The following LINGO2 variants were observed in gnomAD, a reference collection of about 807,000 sequenced individuals.
LINGO2 encodes leucine rich repeat and Ig domain containing 2, also known as leucine-rich repeat and immunoglobulin-like domain-containing nogo receptor-interacting protein 2.
A neutral mutation model predicts 30.6 loss-of-function variants in LINGO2; 14 were observed. That is an observed-to-expected ratio of 0.46 (90% confidence interval 0.30 to 0.72). The LOEUF is 0.72. Among genes scored for constraint, LINGO2 ranks in the 30% least tolerant of loss-of-function variants. The probability of loss-of-function intolerance (pLI) is 0.07; values close to 1 mark genes in which losing one functional copy is unlikely to be tolerated. For synonymous variants in LINGO2, 317 were observed against 288.5 expected, an observed-to-expected ratio of 1.10 and a Z score of -1.00; for missense variants, 729 against 751.7, an observed-to-expected ratio of 0.97 and a Z score of 0.35.
At chr9:28,145,189 G>C (rs891234565) in intron 4 of LINGO2, among the ~76,000 whole-genome samples, 1 of 152,152 alleles carries the variant, frequency 6.6e-6, no homozygotes, top group Non-Finnish European at 1.5e-5. Flanking sequence ...GGGTTCAAAA[G>C]GTAGGGACAT....
At chr9:28,443,935 C>T (rs1048004416) in intron 2 of LINGO2, among the ~76,000 whole-genome samples, 1 of 152,072 alleles carries the variant, frequency 6.6e-6, no homozygotes, top group Non-Finnish European at 1.5e-5. Context: ...GGAGTGAGAA[C>T]TTATGGTGCT....
chr9:29,000,501 T>A, the LINGO2 span, among the ~76,000 whole-genome samples: 3 of 152,034 alleles, frequency 2.0e-5, no homozygotes, highest in East Asian at 5.8e-4. Context: ...ATTTAATTTA[T>A]AATTTATCCC....
the LINGO2 span, chr9:27,938,020 C>T: frequency 3.1e-4 from 47 of 152,208 alleles, no homozygotes; most frequent in African/African-American, 1.1e-3. Context: ...TAAATGTCTC[C>T]AATAAAATGC....
At chr9:28,556,510 T>C (rs1399367413) in intron 1 of LINGO2, among the ~76,000 whole-genome samples, 3 of 152,094 alleles carry the variant, frequency 2.0e-5, no homozygotes. Flanking sequence ...TACAAACAAA[T>C]GGAAGAATAT....
chr9:29,110,229 C>G, the LINGO2 span, among the ~76,000 whole-genome samples: 4 of 152,308 alleles, frequency 2.6e-5, no homozygotes, highest in Non-Finnish European at 5.9e-5. Flanking sequence ...CACTGGTTTA[C>G]TATGAATGTT....
chr9:28,492,804 G>A (rs79241312), intron 1 of LINGO2, among the ~76,000 whole-genome samples: 23,281 of 152,026 alleles, frequency 0.15, 2,343 homozygotes, highest in Non-Finnish European at 0.21. Flanking sequence ...GTCAATAAAT[G>A]CAGAACTGCA....
intron 4 of LINGO2, among the ~76,000 whole-genome samples, chr9:28,078,860 AT>A (rs1175672942): frequency 5.4e-5 from 8 of 147,040 alleles, no homozygotes; most frequent in Middle Eastern, 6.4e-3. Flanking sequence ...AAAAAAAAAA[AT>A]CTATAGACTC....
In LINGO2 at chr9:28,354,844, T is replaced by C. The variant is rs935508163; in HGVS notation, c.-246+17992A>G. On this transcript the variant is annotated intron_variant, in intron 3 of 5. Coordinates refer to ENST00000379992, the Ensembl canonical transcript of LINGO2. The stretch of plus-strand genomic sequence containing the variant: ...ATAAATTTGACAGGAGGTATGTTGT[T>C]GTCAGCAGCTAAGAGCAGCCAAATA... Among the ~76,000 whole-genome samples, 9 of 152,192 alleles carry C rather than the reference T, an allele frequency of 5.9e-5. No homozygotes were observed. The East Asian group carries it at 1.2e-3, about 20-fold the overall frequency.
chr9:29,094,933 ACAG>A, the LINGO2 span, among the ~76,000 whole-genome samples: 1 of 138,622 alleles, frequency 7.2e-6, no homozygotes, highest in Non-Finnish European at 1.6e-5. Flanking sequence ...CTAAGTACAT[ACAG>A]TAATTTCTTA....
the LINGO2 span, among the ~76,000 whole-genome samples, chr9:28,964,175 G>T: frequency 2.7e-4 from 41 of 151,752 alleles, no homozygotes; most frequent in Non-Finnish European, 3.8e-4. Context: ...TCACAGTCAA[G>T]GACAATTTGT....
intron 1 of LINGO2, among the ~76,000 whole-genome samples, chr9:28,513,409 C>A (rs982219960): frequency 2.0e-5 from 3 of 152,112 alleles, no homozygotes; most frequent in Non-Finnish European, 4.4e-5. Flanking sequence ...ATAACTATGG[C>A]ACAGGATATA....
the LINGO2 span, among the ~76,000 whole-genome samples, chr9:29,020,194 G>C: frequency 6.6e-6 from 1 of 151,346 alleles, no homozygotes; most frequent in Non-Finnish European, 1.5e-5. Flanking sequence ...TTCTTGGGTG[G>C]GCATATATAT....
intron 1 of LINGO2, among the ~76,000 whole-genome samples, chr9:28,624,497 C>T (rs1826565512): frequency 6.6e-6 from 1 of 151,980 alleles, no homozygotes; most frequent in African/African-American, 2.4e-5. Flanking sequence ...TTAAGACATC[C>T]TTGCATACCT....
chr9:28,965,329 T>C, the LINGO2 span, among the ~76,000 whole-genome samples: 1 of 151,996 alleles, frequency 6.6e-6, no homozygotes, highest in South Asian at 2.1e-4. Flanking sequence ...TACTAATCTC[T>C]CTTGACCCCT....
the LINGO2 span, among the ~76,000 whole-genome samples, chr9:28,741,607 C>T: frequency 6.6e-6 from 1 of 151,910 alleles, no homozygotes; most frequent in Non-Finnish European, 1.5e-5. Flanking sequence ...CTGGGGTCAG[C>T]CTGGTATAGG....
intron 5 of LINGO2, among the ~76,000 whole-genome samples, chr9:28,006,067 C>CACA (rs1232539771): frequency 2.6e-5 from 4 of 151,992 alleles, no homozygotes; most frequent in Non-Finnish European, 5.9e-5. Flanking sequence ...CTAGGCCTAT[C>CACA]ACAGGGCAAA....
the LINGO2 span, among the ~76,000 whole-genome samples, chr9:29,110,317 G>C: frequency 1.3e-5 from 2 of 152,114 alleles, no homozygotes; most frequent in Non-Finnish European, 2.9e-5. Flanking sequence ...TGTCTGTACA[G>C]CTACAGTTTT....
chr9:28,325,357 T>C (rs899376280), intron 3 of LINGO2, among the ~76,000 whole-genome samples: 1 of 152,092 alleles, frequency 6.6e-6, no homozygotes, highest in South Asian at 2.1e-4. Flanking sequence ...TCAAGAAAGA[T>C]AGAACCCCTA....
At chr9:29,164,168 T>C in the LINGO2 span, among the ~76,000 whole-genome samples, 3 of 151,722 alleles carry the variant, frequency 2.0e-5, no homozygotes, top group Non-Finnish European at 4.4e-5. Flanking sequence ...CAATATTCAG[T>C]CATAATGTGT....
Sources: gnomAD v4.1 joint callset for allele counts (sites outside exome capture counted in the v4.1 genomes callset) on GRCh38, gnomAD v4.1.1 for gene constraint, MANE v1.5 for transcripts, NCBI Gene and HGNC (gene_info 2026-07-23, HGNC 2026-07-21) for gene names.